The following TAOK1 variants were observed in gnomAD, a reference collection of about 807,000 sequenced individuals.
TAOK1 encodes serine/threonine-protein kinase TAO1.
A neutral mutation model predicts 138.3 loss-of-function variants in TAOK1; 21 were observed. That is an observed-to-expected ratio of 0.15 (90% CI 0.11 to 0.22). The LOEUF (loss-of-function observed/expected upper bound fraction) is 0.22, where lower values mean the gene tolerates loss of function less well. TAOK1 is among the 10% of genes least tolerant of loss of function. The probability of loss-of-function intolerance (pLI) is 1.00; values close to 1 mark genes in which losing one functional copy is unlikely to be tolerated. For missense variants in TAOK1, 651 were observed against 1,227.7 expected (o/e 0.53, Z 7.02); for synonymous variants, 361 against 398.4 (o/e 0.91, Z 1.12).
At chr17:29,497,714 C>CAAAAAAAAAAAA (rs373537264) in intron 11 of TAOK1, among the ~76,000 whole-genome samples, 2 of 100,718 alleles carry the variant, frequency 2.0e-5, no homozygotes, top group Non-Finnish European at 4.1e-5. Context: ...TATTGAAATA[C>CAAAAAAAAAAAA]AAAAAAAAAA....
chr17:29,512,257 A>C (rs527865368), intron 15 of TAOK1: 1 of 148,582 alleles, frequency 6.7e-6, no homozygotes, highest in South Asian at 2.2e-4. Context: ...ACGGGGTTTC[A>C]CCATGTTAGC....
At chr17:29,434,800 T>C (rs1905973447) in intron 1 of TAOK1, among the ~76,000 whole-genome samples, 1 of 152,188 alleles carries the variant, frequency 6.6e-6, no homozygotes. Context: ...GTCATTTGCC[T>C]CTGGATCCCT....
At chr17:29,470,950 C>T (rs1181296145) in intron 3 of TAOK1, among the ~76,000 whole-genome samples, 1 of 152,102 alleles carries the variant, frequency 6.6e-6, no homozygotes, top group African/African-American at 2.4e-5. Context: ...TGGTGGAAAA[C>T]CCTGTCTCTA....
At chr17:29,539,319 G>A (rs563969322) in intron 19 of TAOK1, among the ~76,000 whole-genome samples, 1 of 152,024 alleles carries the variant, frequency 6.6e-6, no homozygotes, top group Admixed American at 6.6e-5. Flanking sequence ...AGAAGAGGCC[G>A]GATCGCTTGA....
At chr17:29,428,737 C>T (rs1358463020) in intron 1 of TAOK1, among the ~76,000 whole-genome samples, 2 of 151,936 alleles carry the variant, frequency 1.3e-5, no homozygotes, top group East Asian at 3.9e-4. Context: ...GATCCTCCCA[C>T]CTCAGCCTCC....
intron 1 of TAOK1, among the ~76,000 whole-genome samples, chr17:29,408,286 C>T (rs577528783): frequency 1.8e-4 from 26 of 146,474 alleles, no homozygotes; most frequent in Non-Finnish European, 2.8e-4. Flanking sequence ...AGTGCAGTGG[C>T]GCAATCTCAG....
intron 18 of TAOK1, among the ~76,000 whole-genome samples, chr17:29,531,476 A>G (rs578078810): frequency 2.3e-4 from 1 of 4,340 alleles, no homozygotes; most frequent in South Asian, 0.01. Context: ...AAAGGGCCAG[A>G]TAAGGCTGCG....
chr17:29,487,246 C>CAA lies in TAOK1; in HGVS notation c.656-2390_656-2389dup, dbSNP rs71138823. On this transcript the variant is annotated intron_variant, in intron 8 of 19. Transcript: ENST00000261716. ...GGGCAACAGAGCGAGACTGTGTCTCCAAAAAAAAAAAAAAAAAAAAAAAAA... is the reference window on the plus strand; with the variant it reads ...GGGCAACAGAGCGAGACTGTGTCTCCAAAAAAAAAAAAAAAAAAAAAAAAAAA... Among the ~76,000 whole-genome samples, 95 of 90,276 alleles carry CAA rather than the reference C, an allele frequency of 1.1e-3. 8 individuals are homozygous for CAA. The highest frequency in any genetic ancestry group is 4.3e-3 in the African/African-American group (85 of 19,808). 59.2% of individuals were successfully genotyped at this position (90,276 alleles called of 152,430 possible). A position where few individuals can be genotyped will look rare whatever the true frequency, so the allele number is the denominator to read the frequency against.
intron 1 of TAOK1, among the ~76,000 whole-genome samples, chr17:29,414,327 G>A (rs929230854): frequency 1.3e-5 from 2 of 152,124 alleles, no homozygotes; most frequent in Non-Finnish European, 2.9e-5. Flanking sequence ...CCAGCTCACT[G>A]CAACCTCCAC....
At chr17:29,420,744 C>T (rs1365162376) in intron 1 of TAOK1, among the ~76,000 whole-genome samples, 4 of 151,766 alleles carry the variant, frequency 2.6e-5, no homozygotes, top group African/African-American at 9.7e-5. Flanking sequence ...CGCCAGCATG[C>T]CTGGCTAATT....
chr17:29,483,705 C>G, intron 8 of TAOK1, among the ~76,000 whole-genome samples: 1 of 151,858 alleles, frequency 6.6e-6, no homozygotes, highest in East Asian at 1.9e-4. Flanking sequence ...TATAGTTTAA[C>G]AACATCAACA....
At chr17:29,477,490 A>C (rs1311711906) in intron 4 of TAOK1, among the ~76,000 whole-genome samples, 171 bp from the exon 5 acceptor site, 1 of 151,698 alleles carries the variant, frequency 6.6e-6, no homozygotes, top group Admixed American at 6.6e-5. Context: ...AAAATTTTAA[A>C]AATATATTAT....
intron 1 of TAOK1, among the ~76,000 whole-genome samples, chr17:29,430,325 C>G (rs1905785120): frequency 6.6e-6 from 1 of 152,184 alleles, no homozygotes; most frequent in South Asian, 2.1e-4. Flanking sequence ...ATGCTCACCT[C>G]ATGTAACTGA....
intron 16 of TAOK1, among the ~76,000 whole-genome samples, chr17:29,518,786 T>A (rs1188443251): frequency 7.3e-6 from 1 of 136,550 alleles, no homozygotes; most frequent in African/African-American, 2.9e-5. Flanking sequence ...TTATTTATTT[T>A]GAAACAGAGT....
intron 1 of TAOK1, among the ~76,000 whole-genome samples, chr17:29,431,056 C>G (rs1472731308): frequency 3.3e-5 from 5 of 152,288 alleles, no homozygotes; most frequent in Admixed American, 6.5e-5. Context: ...AAAACCTGCT[C>G]TGTTCTAGAA....
chr17:29,438,124 T>C (rs2153023177), intron 1 of TAOK1, among the ~76,000 whole-genome samples: 1 of 152,340 alleles, frequency 6.6e-6, no homozygotes, highest in African/African-American at 2.4e-5. Flanking sequence ...GAGAAGACTG[T>C]TACAAAACAT....
chr17:29,414,398 C>T (rs1204829363), intron 1 of TAOK1, among the ~76,000 whole-genome samples: 4 of 151,862 alleles, frequency 2.6e-5, no homozygotes, highest in East Asian at 1.9e-4. Context: ...TACAGGCACA[C>T]GCCACTGTGC....
intron 1 of TAOK1, among the ~76,000 whole-genome samples, chr17:29,448,911 C>T (rs758843463): frequency 4.6e-5 from 7 of 151,980 alleles, no homozygotes; most frequent in East Asian, 1.9e-4. Flanking sequence ...CAATATAATA[C>T]GGTAAATGCG....
intron 1 of TAOK1, among the ~76,000 whole-genome samples, chr17:29,412,720 A>T (rs1905176515): frequency 6.6e-6 from 1 of 152,214 alleles, no homozygotes; most frequent in Non-Finnish European, 1.5e-5. Flanking sequence ...GTTGGATAGC[A>T]GCTAGCAGTT....
Sources: gnomAD v4.1 joint callset for allele counts (sites outside exome capture counted in the v4.1 genomes callset) on GRCh38, gnomAD v4.1.1 for gene constraint, MANE v1.5 for transcripts, NCBI Gene and HGNC (gene_info 2026-07-23, HGNC 2026-07-21) for gene names.